Variants in CHID1 observed in about 807,000 individuals in gnomAD.
CHID1 encodes the protein chitinase domain containing 1.
Under a neutral mutation model 55.4 loss-of-function variants are expected in CHID1, and 44 were observed. The observed-to-expected ratio is 0.79, with a 90% confidence interval of 0.62 to 1.02. The LOEUF is 1.02. CHID1 is among the 50% of genes least tolerant of loss of function. CHID1 has a pLI of 0.00. For missense variants in CHID1, 491 were observed against 515.3 expected (o/e 0.95, Z 0.46); for synonymous variants, 216 against 212.9 (o/e 1.01, Z -0.13).
intron 8 of CHID1, among the ~76,000 whole-genome samples, chr11:890,307 C>T (rs11600388): frequency 2.5e-3 from 387 of 152,372 alleles, no homozygotes; most frequent in South Asian, 3.3e-3. Context: ...AGGTGGGCGA[C>T]GGGAGCAGGG....
In CHID1 at chr11:869,939, C is replaced by T. The variant is rs1417274616; in HGVS notation, c.1101G>A (p.Leu367=). The T allele has an allele frequency of 2.5e-6, 4 of 1,612,776 alleles. No homozygotes were observed. Among genetic ancestry groups the T allele is most frequent in the African/African-American group, 1.3e-5 (1 of 74,932 alleles). The stretch of plus-strand genomic sequence containing the variant: ...CAACGCCCAGCTCCCGGGCCAGCTC[C>T]AGCCGCACCTGCAGGGACTGGGCAC... The part of the protein sequence containing the change: ...YPTLKSLQVR[L]ELARELGVGV... Residue 367 remains leucine, a synonymous_variant, in exon 13 of 13, where the codon CTG becomes CTA. Coordinates refer to ENST00000323578, the MANE Select transcript of CHID1 (RefSeq NM_023947.4).
At chr11:910,951 G>T (rs1169302119), upstream of CHID1, 4 of 430,074 alleles carry the variant, frequency 9.3e-6, no homozygotes, top group Non-Finnish European at 1.2e-5. Context: ...GGCCGGGGCC[G>T]GGGCCGGGGC....
chr11:869,471 G>A lies in CHID1; in HGVS notation c.*387C>T, dbSNP rs189268806. On this transcript the variant is annotated 3_prime_UTR_variant, in exon 13 of 13. Coordinates refer to ENST00000323578, the MANE Select transcript of CHID1 (RefSeq NM_023947.4). The stretch of plus-strand genomic sequence containing the variant: ...CAGAGCTGTCCCTGCGAGGGCCCTC[G>A]AATCCAGGAGTGGGCGAGTCCGGGA... 8.6e-5 allele frequency: 23 copies of A among 266,448 alleles called. No homozygotes were observed. In the East Asian group the frequency reaches 9.4e-4, roughly 11 times the overall value. The allele number at this position is 266,448 out of a possible 1,614,324, so 16.5% of individuals were successfully genotyped here.
chr11:870,674 C>G (rs566465587), intron 10 of CHID1, 175 bp from the exon 11 acceptor site: 2 of 593,884 alleles, frequency 3.4e-6, no homozygotes, highest in Non-Finnish European at 6.0e-6. Context: ...CCGTGTGAAC[C>G]CTGTATTAGA....
chr11:897,687 C>T lies in CHID1; in HGVS notation c.608+1653G>A, dbSNP rs573577569. Among the ~76,000 whole-genome samples, 225 of 152,236 alleles carry T rather than the reference C, an allele frequency of 1.5e-3. 2 individuals are homozygous for T. The highest frequency in any genetic ancestry group is 2.8e-3 in the Non-Finnish European group (188 of 68,044). On this transcript the variant is annotated intron_variant, in intron 7 of 12. Transcript: ENST00000323578. ...GTGCGCCTCCCAGCCTCCCTTCACA[C>T]AGCTCCTTGTCTTCCTGCTGCTGCC...
intron 10 of CHID1, among the ~76,000 whole-genome samples, chr11:872,001 C>A (rs1230784194): frequency 6.6e-6 from 1 of 152,194 alleles, no homozygotes; most frequent in African/African-American, 2.4e-5. Flanking sequence ...TGCCACCCCC[C>A]CAGCAGTGCT....
intron 1 of CHID1, chr11:908,257 AGGCAGTGAGTGCTTGAACAGCCAC>A (rs1852378965): frequency 1.3e-5 from 2 of 152,418 alleles, no homozygotes; most frequent in African/African-American, 4.8e-5. Flanking sequence ...CCACAGGCAA[AGGCAGTGAGTGCTTGAACAGCCAC>A]GGCAGTTCCG....
At chr11:897,244 C>T (rs1018698923) in intron 7 of CHID1, among the ~76,000 whole-genome samples, 1 of 151,782 alleles carries the variant, frequency 6.6e-6, no homozygotes, top group African/African-American at 2.4e-5. Flanking sequence ...GTCTCAGCAC[C>T]CCCAGCCTCC....
At chr11:907,353 C>T (rs1293139635) in intron 1 of CHID1, among the ~76,000 whole-genome samples, 5 of 152,022 alleles carry the variant, frequency 3.3e-5, no homozygotes, top group African/African-American at 4.8e-5. Flanking sequence ...TGGTGGCAGG[C>T]GCCTGTAGTC....
intron 10 of CHID1, among the ~76,000 whole-genome samples, chr11:873,725 C>G (rs1353192701): frequency 1.3e-5 from 2 of 152,176 alleles, no homozygotes; most frequent in East Asian, 1.9e-4. Context: ...AAAGAGGGCA[C>G]AGCTGCTAAA....
chr11:903,023 T>C lies in CHID1; in HGVS notation c.200A>G (p.Tyr67Cys). The C allele has an allele frequency of 1.2e-6, 2 of 1,614,040 alleles. No homozygotes were observed. The highest frequency in any genetic ancestry group is 1.7e-6 in the Non-Finnish European group (2 of 1,180,018). Residue 67 changes from tyrosine to cysteine, a missense_variant, in exon 3 of 13, where the codon TAC (tyrosine) becomes TGC (cysteine). Coordinates refer to ENST00000323578, the MANE Select transcript of CHID1 (RefSeq NM_023947.4). Reference sequence around the variant, plus strand: ...TCTGTCCCGGGCCTTTGCCGAGCAGTAGCTGCGATGCTCAAGAACCACACT... The same window carrying C: ...TCTGTCCCGGGCCTTTGCCGAGCAGCAGCTGCGATGCTCAAGAACCACACT... ...AESVVLEHRS[Y>C]CSAKARDRHF...
upstream of CHID1, among the ~76,000 whole-genome samples, chr11:912,827 GAC>G (rs1852774106): frequency 7.7e-6 from 1 of 129,842 alleles, no homozygotes; most frequent in Non-Finnish European, 1.6e-5. Flanking sequence ...GACAGAGTGA[GAC>G]TCTGCCTCAA....
intron 3 of CHID1, 60 bp downstream of exon 3, chr11:902,902 G>T: frequency 6.5e-7 from 1 of 1,544,732 alleles, no homozygotes. Flanking sequence ...CCATCACGGG[G>T]CCAGGGCAGC....
intron 12 of CHID1, 53 bp from the exon 13 acceptor site, chr11:870,009 C>T (rs1426080611): frequency 6.2e-7 from 1 of 1,607,400 alleles, no homozygotes; most frequent in Non-Finnish European, 8.5e-7. Context: ...CCCCAACACC[C>T]AGGGATGTCC....
chr11:900,257 C>T, intron 5 of CHID1, 147 bp from the exon 6 acceptor site: 1 of 645,796 alleles, frequency 1.5e-6, no homozygotes, highest in Non-Finnish European at 2.8e-6. Context: ...CTGGAGCACC[C>T]ACATGTCCAG....
chr11:904,972 TGGATG>T (rs1046523255), intron 1 of CHID1, 113 bp from the exon 2 acceptor site: 35 of 1,182,924 alleles, frequency 3.0e-5, no homozygotes, highest in Non-Finnish European at 4.0e-5. Flanking sequence ...CTCATGGCAC[TGGATG>T]GACCCTTGGC....
rs180973546 is a variant in CHID1, at chr11:886,671, G to A, written c.702-2502C>T. ...TGCGAGGACACAGCAAAAAGGTGCC[G>A]ACTGCACCAGGAAGAGGCCTTGCCG... On this transcript the variant is annotated intron_variant, in intron 8 of 12. Transcript: ENST00000323578. Among the ~76,000 whole-genome samples, 7 of 152,316 alleles carry A rather than the reference G, an allele frequency of 4.6e-5. No individual in the cohort carries two copies. The East Asian group carries it at 9.6e-4, about 21-fold the overall frequency.
chr11:906,827 G>A (rs1449534601), intron 1 of CHID1, among the ~76,000 whole-genome samples: 2 of 152,018 alleles, frequency 1.3e-5, no homozygotes, highest in South Asian at 4.1e-4. Flanking sequence ...TCGGGAGTTC[G>A]AGACCAGCCT....
In CHID1 at chr11:901,061, G is replaced by A. The variant is rs889569845; in HGVS notation, c.395-81C>T. The A allele has an allele frequency of 3.7e-6, 5 of 1,345,890 alleles. No homozygotes were observed. The Admixed American group carries it at 1.0e-4, about 28-fold the overall frequency. 83.4% of individuals were successfully genotyped at this position (1,345,890 alleles called of 1,614,324 possible). A position where few individuals can be genotyped will look rare whatever the true frequency, so the allele number is the denominator to read the frequency against. ...CAGCCTACCTGAGGAGGAAAACGTG[G>A]CAGCCGCACAATACGCAATGGGAAG... is the stretch of plus-strand genomic sequence containing the variant. On this transcript the variant is annotated intron_variant, in intron 4 of 12. Coordinates refer to ENST00000323578, the MANE Select transcript of CHID1 (RefSeq NM_023947.4).
Sources: allele counts gnomAD v4.1 joint callset (sites outside exome capture counted in the v4.1 genomes callset), GRCh38; gene constraint gnomAD v4.1.1; transcripts MANE v1.5; gene names NCBI Gene and HGNC (gene_info 2026-07-23, HGNC 2026-07-21).